Variants in MTAP observed in about 807,000 individuals in gnomAD.
MTAP encodes methylthioadenosine phosphorylase.
MTAP carries 33 observed loss-of-function variants against 33.6 expected under a neutral mutation model. The ratio of observed to expected loss-of-function variants is 0.98; its 90% CI spans 0.74 to 1.31. MTAP has a LOEUF of 1.31. MTAP is among the 40% of genes most tolerant of loss of function. The pLI is 0.00. For synonymous variants in MTAP, 148 were observed against 125.7 expected, an observed-to-expected ratio of 1.18 and a Z score of -1.19; for missense variants, 367 against 360.0, an observed-to-expected ratio of 1.02 and a Z score of -0.16.
Position 21,863,927 on chromosome 9 carries a change from T to C in MTAP, c.*1913T>C, listed in dbSNP as rs1825804716. The C allele has an allele frequency of 1.0e-6, 1 of 985,722 alleles. No individual in the cohort carries two copies. Among genetic ancestry groups the C allele is most frequent in the Non-Finnish European group, 1.2e-6 (1 of 829,934 alleles). 61.1% of individuals were successfully genotyped at this position (985,722 alleles called of 1,614,324 possible). ...ATGACCCTTGGACTTCCTGATGTAGTATTAAATTTCAACTCTGGTTATCCA... is the reference window on the plus strand; with the variant it reads ...ATGACCCTTGGACTTCCTGATGTAGCATTAAATTTCAACTCTGGTTATCCA... On this transcript the variant is annotated 3_prime_UTR_variant, in exon 8 of 8. Coordinates refer to ENST00000644715, the MANE Select transcript of MTAP (RefSeq NM_002451.4).
chr9:21,890,157 G>T (rs913246446), intron 1 of MTAP, among the ~76,000 whole-genome samples: 1 of 151,992 alleles, frequency 6.6e-6, no homozygotes, highest in African/African-American at 2.4e-5. Context: ...TTAAGCCGAT[G>T]GAGTTATGTT....
At chr9:21,897,999 A>C (rs1219600996) in intron 1 of MTAP, among the ~76,000 whole-genome samples, 3 of 152,224 alleles carry the variant, frequency 2.0e-5, no homozygotes, top group African/African-American at 4.8e-5. Context: ...AGGCTACAGT[A>C]ACCAAAACAG....
chr9:21,929,865 G>A (rs1818928134), intron 1 of MTAP: 1 of 290,540 alleles, frequency 3.4e-6, no homozygotes, highest in East Asian at 7.4e-5. Flanking sequence ...TGGATTGGAT[G>A]TAGGCTCTTT....
intron 1 of MTAP, among the ~76,000 whole-genome samples, chr9:21,899,703 C>A (rs753759817): frequency 1.7e-4 from 26 of 152,102 alleles, no homozygotes; most frequent in Non-Finnish European, 3.4e-4. Context: ...CATGGGGAAA[C>A]CACCCCCATC....
chr9:21,844,449 T>C (rs113404193), intron 5 of MTAP, among the ~76,000 whole-genome samples: 81 of 152,154 alleles, frequency 5.3e-4, no homozygotes, highest in African/African-American at 1.8e-3. Flanking sequence ...CAGACCAATA[T>C]CCCTGATGTA....
At chr9:21,925,482 A>G (rs745569084) in intron 1 of MTAP, among the ~76,000 whole-genome samples, 3 of 152,246 alleles carry the variant, frequency 2.0e-5, no homozygotes, top group Non-Finnish European at 4.4e-5. Flanking sequence ...AGGTAAAAGG[A>G]AAAGCAGCAG....
chr9:21,853,465 C>G (rs1825563690), intron 5 of MTAP, among the ~76,000 whole-genome samples: 1 of 152,156 alleles, frequency 6.6e-6, no homozygotes, highest in South Asian at 2.1e-4. Flanking sequence ...TGCCAAGACT[C>G]TTGTGAAAAT....
chr9:21,832,835 G>C (rs1176485460), intron 4 of MTAP, among the ~76,000 whole-genome samples: 1 of 152,104 alleles, frequency 6.6e-6, no homozygotes, highest in East Asian at 1.9e-4. Context: ...AGAAACTTAG[G>C]CCCTTACTAT....
rs146360180 is a variant in MTAP at position 21,835,330 on chromosome 9, C to G, written c.348-2578C>G. Reference sequence around the variant, plus strand: ...CAGTAGGGATGTTGCTAATACCTCACGAAGAAAGAACTTAAAGAAGCTGAG... The same window carrying G: ...CAGTAGGGATGTTGCTAATACCTCAGGAAGAAAGAACTTAAAGAAGCTGAG... On this transcript the variant is annotated intron_variant, in intron 4 of 7. Coordinates refer to ENST00000644715, the MANE Select transcript of MTAP (RefSeq NM_002451.4). Among the ~76,000 whole-genome samples, 16 of 152,144 alleles carry G rather than the reference C, an allele frequency of 1.1e-4. No homozygotes were observed. In the East Asian group the frequency reaches 3.1e-3, roughly 29 times the overall value.
chr9:21,885,355 T>C (rs183220431), intron 1 of MTAP, among the ~76,000 whole-genome samples: 12 of 152,348 alleles, frequency 7.9e-5, no homozygotes, highest in African/African-American at 2.6e-4. Flanking sequence ...GCAGGATTAC[T>C]ATAACCTAAA....
intron 1 of MTAP, among the ~76,000 whole-genome samples, chr9:21,807,165 A>AAAT (rs927190751): frequency 1.2e-4 from 18 of 152,260 alleles, no homozygotes; most frequent in African/African-American, 3.9e-4. Flanking sequence ...TCCTGTCTCA[A>AAAT]AATAATAATA....
intron 1 of MTAP, among the ~76,000 whole-genome samples, chr9:21,814,190 T>C (rs1262311599): frequency 6.6e-6 from 1 of 152,224 alleles, no homozygotes; most frequent in Non-Finnish European, 1.5e-5. Context: ...GTTTGTTTTT[T>C]GTTGTTGTTG....
rs1243398167 is a variant in MTAP, at chr9:21,827,430, C to A, written c.347+9228C>A. 3.9e-5 allele frequency among the ~76,000 whole-genome samples: 6 copies of A among 152,324 alleles called. No homozygotes were observed. The East Asian group carries it at 9.7e-4, about 25-fold the overall frequency. ...TAATTTCCAGTCTATCAGAAGCATT[C>A]TTGGTTGTTTCCTGATGGAATGAAA... is the stretch of plus-strand genomic sequence containing the variant. On this transcript the variant is annotated intron_variant, in intron 4 of 7. Coordinates refer to ENST00000644715, the MANE Select transcript of MTAP (RefSeq NM_002451.4).
chr9:21,877,981 T>C (rs536542964), intron 1 of MTAP, among the ~76,000 whole-genome samples: 1 of 152,292 alleles, frequency 6.6e-6, no homozygotes, highest in African/African-American at 2.4e-5. Flanking sequence ...TGAATCTGTC[T>C]AGACATGAGC....
At chr9:21,827,361 T>C (rs1824848348) in intron 4 of MTAP, among the ~76,000 whole-genome samples, 1 of 152,176 alleles carries the variant, frequency 6.6e-6, no homozygotes, top group Non-Finnish European at 1.5e-5. Context: ...GAGAGGGTTG[T>C]CCAGTCCAGG....
At chr9:21,921,340 CA>C (rs1274569736) in intron 1 of MTAP, among the ~76,000 whole-genome samples, 1 of 151,532 alleles carries the variant, frequency 6.6e-6, no homozygotes, top group Non-Finnish European at 1.5e-5. Flanking sequence ...TTTATTTTTT[CA>C]AAAAAACCTT....
chr9:21,819,439 C>T (rs991430903), intron 4 of MTAP, among the ~76,000 whole-genome samples: 1 of 152,154 alleles, frequency 6.6e-6, no homozygotes, highest in African/African-American at 2.4e-5. Context: ...TGGTTTCCAG[C>T]TTCATCCATG....
In MTAP at chr9:21,922,030, C is replaced by T. The variant is rs1180182619; in HGVS notation, c.148-8978C>T. On this transcript the variant is annotated intron_variant, in intron 1 of 1. Coordinates refer to the MTAP transcript ENST00000577563. This position sits in a 1 kb window ranked among gnomAD's most constrained non-coding sequence, Gnocchi z 4.8. ...AAATAATAATTGGTTGCAGTCAGTGCCAGAGAAAGGCAGTCTCCCAATATA... is the reference window on the plus strand; with the variant it reads ...AAATAATAATTGGTTGCAGTCAGTGTCAGAGAAAGGCAGTCTCCCAATATA... 6.6e-6 allele frequency among the ~76,000 whole-genome samples: 1 copy of T among 151,934 alleles called. No homozygotes were observed. The highest frequency in any genetic ancestry group is 1.5e-5 in the Non-Finnish European group (1 of 68,012).
At chr9:21,894,249 T>C (rs1482202420) in intron 1 of MTAP, among the ~76,000 whole-genome samples, 2 of 145,472 alleles carry the variant, frequency 1.4e-5, no homozygotes, top group African/African-American at 5.1e-5. Flanking sequence ...TGAAGTAGCA[T>C]ACTTCAAAAT....
Sources: gnomAD v4.1 joint callset for allele counts (sites outside exome capture counted in the v4.1 genomes callset) on GRCh38, gnomAD v4.1.1 for gene constraint, Gnocchi (gnomAD v3.1) non-coding constraint, MANE v1.5 for transcripts, NCBI Gene and HGNC (gene_info 2026-07-23, HGNC 2026-07-21) for gene names.